The following PCDHA7 variants were observed in gnomAD, a reference collection of about 807,000 sequenced individuals.
The protein encoded by PCDHA7 is protocadherin alpha-7.
PCDHA7 carries 37 observed loss-of-function variants against 57.2 expected under a neutral mutation model. The observed-to-expected ratio is 0.65, with a 90% CI of 0.50 to 0.85. The LOEUF is 0.85. Among genes scored for constraint, PCDHA7 ranks in the 40% least tolerant of loss-of-function variants. The pLI is 0.00. For missense variants in PCDHA7, 1,188 were observed against 1,241.8 expected, an observed-to-expected ratio of 0.96 and a Z score of 0.65; for synonymous variants, 553 against 558.8, an observed-to-expected ratio of 0.99 and a Z score of 0.15.
chr5:140,878,517 G>T (rs2153361711), intron 1 of PCDHA7, among the ~76,000 whole-genome samples: 1 of 152,246 alleles, frequency 6.6e-6, no homozygotes, highest in African/African-American at 2.4e-5. Context: ...AGTACAGTTG[G>T]TAACCAACTG....
intron 1 of PCDHA7, chr5:140,967,765 C>A: frequency 6.2e-7 from 1 of 1,614,234 alleles, no homozygotes; most frequent in Non-Finnish European, 8.5e-7. Context: ...CCTACCAGAT[C>A]TATGTGCAGG....
intron 1 of PCDHA7, among the ~76,000 whole-genome samples, chr5:140,961,978 G>T (rs1336878095): frequency 6.6e-6 from 1 of 151,828 alleles, no homozygotes; most frequent in Non-Finnish European, 1.5e-5. Context: ...CCGCCTCCTG[G>T]GTTCACGCCA....
At chr5:140,888,037 A>T (rs547880007) in intron 1 of PCDHA7, among the ~76,000 whole-genome samples, 8 of 152,186 alleles carry the variant, frequency 5.3e-5, no homozygotes, top group Non-Finnish European at 1.0e-4. Flanking sequence ...ATATTAGTAC[A>T]TGTATAATAG....
chr5:140,846,891 T>A (rs1554141528), intron 1 of PCDHA7, among the ~76,000 whole-genome samples: 1 of 149,346 alleles, frequency 6.7e-6, no homozygotes, highest in Non-Finnish European at 1.5e-5. Flanking sequence ...CAGAATGACG[T>A]TGAAGTTGAA....
chr5:140,985,895 A>G (rs782549334), intron 3 of PCDHA7, among the ~76,000 whole-genome samples: 16 of 150,016 alleles, frequency 1.1e-4, no homozygotes, highest in Non-Finnish European at 1.5e-4. Flanking sequence ...GCCCGCCACC[A>G]CTCCCGTCTA....
At chr5:140,874,124 T>C (rs926046559) in intron 1 of PCDHA7, among the ~76,000 whole-genome samples, 1 of 152,266 alleles carries the variant, frequency 6.6e-6, no homozygotes, top group Non-Finnish European at 1.5e-5. Flanking sequence ...TTATAGTTTA[T>C]TTAAGTTATC....
At chr5:140,869,615 G>A (rs373081906) in intron 1 of PCDHA7, 4 of 1,613,740 alleles carry the variant, frequency 2.5e-6, no homozygotes, top group East Asian at 4.5e-5. Flanking sequence ...TTGACCTACA[G>A]GCTAAGTAAA....
chr5:140,855,858 G>C (rs1203638572), intron 1 of PCDHA7: 4 of 715,822 alleles, frequency 5.6e-6, no homozygotes, highest in Non-Finnish European at 9.0e-6. Context: ...ACCGGATGTC[G>C]CTGTCGTCCA....
intron 1 of PCDHA7, among the ~76,000 whole-genome samples, chr5:140,960,819 G>A (rs1287793882): frequency 1.3e-5 from 2 of 152,146 alleles, no homozygotes; most frequent in Admixed American, 6.5e-5. Context: ...CCCAAGTGAT[G>A]AATGGAAACT....
chr5:140,877,334 C>A (rs375199455), intron 1 of PCDHA7: 13 of 1,614,002 alleles, frequency 8.1e-6, no homozygotes, highest in Non-Finnish European at 1.0e-5. Flanking sequence ...GCGCACATCC[C>A]GTTCCACGTG....
intron 1 of PCDHA7, chr5:140,842,263 C>CTTA (rs1777840904): frequency 6.2e-7 from 1 of 1,610,966 alleles, no homozygotes; most frequent in Non-Finnish European, 8.5e-7. Context: ...AACAAGAAAA[C>CTTA]TTATACAAAA....
chr5:141,008,838 G>A (rs555239899), intron 3 of PCDHA7, among the ~76,000 whole-genome samples: 2 of 152,192 alleles, frequency 1.3e-5, no homozygotes, highest in South Asian at 2.1e-4. Context: ...ATCCTCTTAC[G>A]CTGTGTATTC....
At chr5:140,918,129 T>C (rs1299993749) in intron 1 of PCDHA7, among the ~76,000 whole-genome samples, 2 of 152,198 alleles carry the variant, frequency 1.3e-5, no homozygotes, top group African/African-American at 2.4e-5. Flanking sequence ...GCCATATTCC[T>C]AGGTATTTTC....
chr5:140,907,272 C>T (rs1164055585), intron 1 of PCDHA7, among the ~76,000 whole-genome samples: 1 of 152,224 alleles, frequency 6.6e-6, no homozygotes, highest in Non-Finnish European at 1.5e-5. Flanking sequence ...GCCATTCCAT[C>T]ATTCTATCAA....
In PCDHA7 at chr5:140,883,587, G is replaced by C. The variant is rs1554178846; in HGVS notation, c.2355+46849G>C. ...TCGCCTTCGCTGTGGGCCACGGCCA[G>C]CGTGTCGGTGGGGGTGGCCGACGTG... On this transcript the variant is annotated intron_variant, in intron 1 of 3. Coordinates refer to ENST00000525929, the MANE Select transcript of PCDHA7 (RefSeq NM_018910.3). 6.2e-7 allele frequency: 1 copy of C among 1,614,030 alleles called. No individual in the cohort carries two copies. Among genetic ancestry groups the C allele is most frequent in the Non-Finnish European group, 8.5e-7 (1 of 1,179,946 alleles).
At chr5:140,887,369 T>C (rs782675531) in intron 1 of PCDHA7, among the ~76,000 whole-genome samples, 1 of 152,200 alleles carries the variant, frequency 6.6e-6, no homozygotes, top group Non-Finnish European at 1.5e-5. Context: ...GTGCTGGGAT[T>C]ACAGGTGTGA....
chr5:140,908,494 C>A (rs559456993), intron 1 of PCDHA7, among the ~76,000 whole-genome samples: 1 of 152,310 alleles, frequency 6.6e-6, no homozygotes, highest in East Asian at 1.9e-4. Flanking sequence ...GTTCAGGTTG[C>A]TTGGTGACTT....
chr5:140,928,007 ATGG>A (rs1183344805), intron 1 of PCDHA7: 2 of 1,613,998 alleles, frequency 1.2e-6, no homozygotes, highest in Non-Finnish European at 1.7e-6. Context: ...CTCGATTCTA[ATGG>A]TAGGGTCATT....
chr5:141,011,890 A>G lies in PCDHA7; in HGVS notation c.*1953A>G, dbSNP rs7701616. 0.061 allele frequency: 9,307 copies of G among 153,488 alleles called. 355 individuals carry two copies. The highest frequency in any genetic ancestry group is 0.11 in the South Asian group (541 of 4,828). The allele number at this position is 153,488 out of a possible 1,614,324, so 9.5% of individuals were successfully genotyped here. On this transcript the variant is annotated 3_prime_UTR_variant, in exon 4 of 4. Coordinates refer to ENST00000525929, the MANE Select transcript of PCDHA7 (RefSeq NM_018910.3). ...GTACAATTTAGAAGTTTGATTAATT[A>G]TATTATCTATTTAGGCATTAATATA... is the stretch of plus-strand genomic sequence containing the variant.
Sources: gnomAD v4.1 joint callset for allele counts (sites outside exome capture counted in the v4.1 genomes callset) on GRCh38, gnomAD v4.1.1 for gene constraint, MANE v1.5 for transcripts, NCBI Gene and HGNC (gene_info 2026-07-23, HGNC 2026-07-21) for gene names.